The following TMEM135 variants were observed in gnomAD, a reference collection of about 807,000 sequenced individuals.
TMEM135 encodes the protein transmembrane protein 135.
Under a neutral mutation model 60.3 loss-of-function variants are expected in TMEM135, and 30 were observed. The ratio of observed to expected loss-of-function variants is 0.50; its 90% CI spans 0.37 to 0.68. The LOEUF (loss-of-function observed/expected upper bound fraction) is 0.68, where lower values mean the gene tolerates loss of function less well. Ranked by LOEUF, TMEM135 falls within the 30% of genes least tolerant of loss-of-function variation. TMEM135 has a pLI of 0.00. For missense variants in TMEM135, 468 were observed against 548.8 expected (o/e 0.85, Z 1.47); for synonymous variants, 190 against 186.7 (o/e 1.02, Z -0.14).
intron 4 of TMEM135, among the ~76,000 whole-genome samples, chr11:87,132,701 A>C (rs1417757432): frequency 6.6e-6 from 1 of 152,170 alleles, no homozygotes; most frequent in Non-Finnish European, 1.5e-5. Context: ...AGTTTATTTA[A>C]TATTTAATAA....
At chr11:87,219,740 T>G (rs1184595220) in intron 5 of TMEM135, among the ~76,000 whole-genome samples, 1 of 152,194 alleles carries the variant, frequency 6.6e-6, no homozygotes, top group Non-Finnish European at 1.5e-5. Context: ...ATGAGGTAAC[T>G]GACCATAAGT....
intron 4 of TMEM135, among the ~76,000 whole-genome samples, chr11:87,112,712 G>T (rs935507187): frequency 3.3e-5 from 5 of 151,992 alleles, no homozygotes; most frequent in African/African-American, 1.2e-4. Flanking sequence ...TACATTATAT[G>T]TTAAATTTTT....
At chr11:87,202,597 G>C (rs1940138497) in intron 5 of TMEM135, among the ~76,000 whole-genome samples, 2 of 152,052 alleles carry the variant, frequency 1.3e-5, no homozygotes, top group African/African-American at 4.8e-5. Flanking sequence ...AGAGACAAAT[G>C]GCAAATCATA....
chr11:87,188,049 C>T (rs1349883596), intron 5 of TMEM135, among the ~76,000 whole-genome samples: 1 of 152,150 alleles, frequency 6.6e-6, no homozygotes, highest in African/African-American at 2.4e-5. Flanking sequence ...TTCCCACTTA[C>T]AAGTTCAGTG....
intron 4 of TMEM135, among the ~76,000 whole-genome samples, chr11:87,156,412 T>C (rs1203106377): frequency 6.6e-6 from 1 of 152,182 alleles, no homozygotes; most frequent in Non-Finnish European, 1.5e-5. Flanking sequence ...CATTGGGATT[T>C]TAATAGGGAT....
intron 4 of TMEM135, among the ~76,000 whole-genome samples, chr11:87,102,510 C>G (rs1317816903): frequency 6.6e-6 from 1 of 151,876 alleles, no homozygotes; most frequent in East Asian, 1.9e-4. Flanking sequence ...CTTTGGAAGC[C>G]AATTTGACAG....
chr11:87,085,410 A>G (rs982440272), intron 3 of TMEM135, among the ~76,000 whole-genome samples: 1 of 152,210 alleles, frequency 6.6e-6, no homozygotes, highest in African/African-American at 2.4e-5. Context: ...TCCTCAAAGA[A>G]TAGAAGCCTG....
chr11:87,171,929 A>ACAG lies in TMEM135; in HGVS notation c.462+14524_462+14526dup, dbSNP rs1007317156. Among the ~76,000 whole-genome samples the ACAG allele has an allele frequency of 1.9e-4, 29 of 152,242 alleles. 1 individual carries two copies. Among genetic ancestry groups the ACAG allele is most frequent in the East Asian group, 1.4e-3 (7 of 5,174 alleles). ...AGGATCTGCTGCCACAGCTGATCTGACAGGAGGCCAAGCTCAGGCAGTAAT... is the reference window on the plus strand; with the variant it reads ...AGGATCTGCTGCCACAGCTGATCTGACAGCAGGAGGCCAAGCTCAGGCAGTAAT... On this transcript the variant is annotated intron_variant, in intron 5 of 14. Transcript: ENST00000305494.
chr11:87,234,956 A>G (rs1210534684), intron 5 of TMEM135, among the ~76,000 whole-genome samples: 3 of 151,938 alleles, frequency 2.0e-5, no homozygotes, highest in Non-Finnish European at 4.4e-5. Context: ...ATACTTCTAG[A>G]GAGGTTTTTA....
At chr11:87,117,344 T>G (rs977710891) in intron 4 of TMEM135, among the ~76,000 whole-genome samples, 1 of 152,170 alleles carries the variant, frequency 6.6e-6, no homozygotes, top group South Asian at 2.1e-4. Flanking sequence ...TGACTCTTTC[T>G]TTCATGAAAG....
At chr11:87,046,717 C>T (rs763683204) in intron 1 of TMEM135, among the ~76,000 whole-genome samples, 3 of 151,926 alleles carry the variant, frequency 2.0e-5, no homozygotes, top group Non-Finnish European at 2.9e-5. Flanking sequence ...GTTAGGTCGA[C>T]GAGGGAGAGA....
intron 5 of TMEM135, among the ~76,000 whole-genome samples, chr11:87,192,848 C>A (rs144145090): frequency 6.6e-6 from 1 of 152,168 alleles, no homozygotes; most frequent in Non-Finnish European, 1.5e-5. Flanking sequence ...GGCATGGTGG[C>A]TCACGCCTGT....
intron 6 of TMEM135, among the ~76,000 whole-genome samples, chr11:87,244,839 T>A (rs942896678): frequency 6.7e-6 from 1 of 150,106 alleles, no homozygotes; most frequent in Admixed American, 6.6e-5. Flanking sequence ...GTTTTTTGTG[T>A]CTCTGTTTCC....
intron 1 of TMEM135, among the ~76,000 whole-genome samples, chr11:87,050,915 A>C (rs1349502031): frequency 3.6e-5 from 1 of 28,094 alleles, no homozygotes; most frequent in Non-Finnish European, 5.3e-5. Flanking sequence ...AAAAATCCTC[A>C]ATAAAATACT....
chr11:87,146,067 T>TGTTTAA, intron 4 of TMEM135, among the ~76,000 whole-genome samples: 1 of 152,362 alleles, frequency 6.6e-6, no homozygotes, highest in South Asian at 2.1e-4. Context: ...TTCAGGCCTA[T>TGTTTAA]GTTTAAGTCT....
At chr11:87,223,064 C>A (rs914720791) in intron 5 of TMEM135, among the ~76,000 whole-genome samples, 1 of 151,412 alleles carries the variant, frequency 6.6e-6, no homozygotes, top group East Asian at 1.9e-4. Flanking sequence ...CTATAATAAG[C>A]ATAGGAAGCT....
intron 6 of TMEM135, among the ~76,000 whole-genome samples, chr11:87,292,111 A>G (rs1942276443): frequency 6.6e-6 from 1 of 151,502 alleles, no homozygotes; most frequent in Non-Finnish European, 1.5e-5. Context: ...TCTCCCCTCT[A>G]CTCACTAGTG....
At chr11:87,190,442 G>A (rs550318197) in intron 5 of TMEM135, among the ~76,000 whole-genome samples, 5 of 152,170 alleles carry the variant, frequency 3.3e-5, no homozygotes, top group Middle Eastern at 3.4e-3. Context: ...TTTTTCAATG[G>A]TGTTTTAATA....
intron 5 of TMEM135, among the ~76,000 whole-genome samples, chr11:87,194,763 GA>G (rs1289351465): frequency 6.6e-6 from 1 of 152,110 alleles, no homozygotes; most frequent in Non-Finnish European, 1.5e-5. Context: ...ATAGAGAAGG[GA>G]AAACCTAACT....
Sources: gnomAD v4.1 joint callset for allele counts (sites outside exome capture counted in the v4.1 genomes callset) on GRCh38, gnomAD v4.1.1 for gene constraint, MANE v1.5 for transcripts, NCBI Gene and HGNC (gene_info 2026-07-23, HGNC 2026-07-21) for gene names.